Variants in CHD9 observed in about 807,000 individuals in gnomAD.
The protein encoded by CHD9 is ATP-dependent chromatin remodeler CHD9.
Under a neutral mutation model 316.1 loss-of-function variants are expected in CHD9, and 77 were observed. The observed-to-expected ratio is 0.24, with a 90% CI of 0.20 to 0.29. The LOEUF (loss-of-function observed/expected upper bound fraction) is 0.29. CHD9 is among the 10% of genes least tolerant of loss of function. The probability of loss-of-function intolerance (pLI) is 1.00; values close to 1 mark genes in which losing one functional copy is unlikely to be tolerated. For synonymous variants in CHD9, 1,129 were observed against 1,158.3 expected, an observed-to-expected ratio of 0.97 and a Z score of 0.51; for missense variants, 2,763 against 3,438.1, an observed-to-expected ratio of 0.80 and a Z score of 4.91.
intron 2 of CHD9, among the ~76,000 whole-genome samples, chr16:53,197,661 T>TTC (rs1201396422): frequency 2.2e-4 from 16 of 74,158 alleles, no homozygotes; most frequent in Admixed American, 6.8e-4. Flanking sequence ...ATATTCTAGC[T>TTC]TTTTTTTTTT....
intron 1 of CHD9, among the ~76,000 whole-genome samples, chr16:53,118,940 C>T (rs1269761994): frequency 6.6e-6 from 1 of 151,964 alleles, no homozygotes. Context: ...TTACAGGCAC[C>T]CGCCACCATG....
At chr16:53,063,800 G>A (rs926653344) in intron 1 of CHD9, among the ~76,000 whole-genome samples, 2 of 150,874 alleles carry the variant, frequency 1.3e-5, no homozygotes, top group Non-Finnish European at 2.9e-5. Context: ...CAAAATGCTG[G>A]GATTACAGGC....
At chr16:53,227,206 C>A in intron 5 of CHD9, 190 bp from the exon 6 acceptor site, 1 of 440,052 alleles carries the variant, frequency 2.3e-6, no homozygotes. Context: ...AGAGATAATG[C>A]AGGTGATGAA....
chr16:53,197,172 C>T (rs1049738352), intron 2 of CHD9, among the ~76,000 whole-genome samples: 1 of 152,144 alleles, frequency 6.6e-6, no homozygotes, highest in African/African-American at 2.4e-5. Flanking sequence ...TTGGCTAAGA[C>T]TCCTTCATTT....
chr16:53,169,781 TTATATAC>T (rs1332855017), intron 2 of CHD9, among the ~76,000 whole-genome samples: 1 of 152,178 alleles, frequency 6.6e-6, no homozygotes, highest in African/African-American at 2.4e-5. Context: ...TAAAATAACA[TTATATAC>T]TATATAGTCC....
At chr16:53,095,753 T>C (rs9937153) in intron 1 of CHD9, among the ~76,000 whole-genome samples, 66,197 of 151,900 alleles carry the variant, frequency 0.44, 15,290 homozygotes, top group African/African-American at 0.59. Flanking sequence ...TAGTGGACAT[T>C]TGGGTTGTTA....
intron 34 of CHD9, among the ~76,000 whole-genome samples, chr16:53,312,591 T>C (rs888381359): frequency 3.3e-5 from 5 of 152,170 alleles, no homozygotes; most frequent in Non-Finnish European, 5.9e-5. Flanking sequence ...GGGACAGATG[T>C]GTAGATCAAA....
intron 1 of CHD9, chr16:53,121,282 T>G (rs1451547999): frequency 4.5e-6 from 2 of 440,580 alleles, no homozygotes; most frequent in Admixed American, 5.2e-5. Context: ...CCTTTTGATC[T>G]CTCCAAACTT....
chr16:53,128,461 C>T (rs2039073550), intron 1 of CHD9, among the ~76,000 whole-genome samples: 1 of 152,094 alleles, frequency 6.6e-6, no homozygotes, highest in East Asian at 1.9e-4. Flanking sequence ...GGATTACAGG[C>T]TTGAGCCACC....
intron 2 of CHD9, among the ~76,000 whole-genome samples, chr16:53,185,672 A>G (rs1242668763): frequency 6.6e-6 from 1 of 152,226 alleles, no homozygotes; most frequent in Non-Finnish European, 1.5e-5. Flanking sequence ...CCAGAGAACT[A>G]GGAGGGAAAA....
At chr16:53,143,354 CTTATTTTATTTATTTAT>C (rs1245502255) in intron 1 of CHD9, among the ~76,000 whole-genome samples, 1 of 127,158 alleles carries the variant, frequency 7.9e-6, no homozygotes, top group Non-Finnish European at 1.7e-5. Context: ...TTTATTTTAT[CTTATTTTATTTATTTAT>C]TTATTTATTT....
At chr16:53,172,561 T>G (rs993486989) in intron 2 of CHD9, among the ~76,000 whole-genome samples, 5 of 152,132 alleles carry the variant, frequency 3.3e-5, no homozygotes, top group Non-Finnish European at 5.9e-5. Context: ...TTTTAATAGG[T>G]ATATATTTAA....
At chr16:53,204,868 G>C (rs2045773863) in intron 2 of CHD9, among the ~76,000 whole-genome samples, 1 of 152,096 alleles carries the variant, frequency 6.6e-6, no homozygotes, top group Non-Finnish European at 1.5e-5. Flanking sequence ...TTTTGAGACA[G>C]AGTTTCGCTC....
intron 19 of CHD9, among the ~76,000 whole-genome samples, chr16:53,262,063 G>A (rs569186019): frequency 6.6e-6 from 1 of 152,016 alleles, no homozygotes; most frequent in South Asian, 2.1e-4. Flanking sequence ...CCTTTTGTTT[G>A]TATCCCTGAT....
chr16:53,194,227 TAA>T (rs78058461), intron 2 of CHD9, among the ~76,000 whole-genome samples: 23 of 136,816 alleles, frequency 1.7e-4, no homozygotes, highest in Admixed American at 1.5e-4. Flanking sequence ...CCCTGCCTCT[TAA>T]AAAAAAAAAA....
intron 35 of CHD9, 90 bp from the exon 36 acceptor site, chr16:53,314,733 T>C: frequency 8.4e-7 from 1 of 1,186,280 alleles, no homozygotes; most frequent in Non-Finnish European, 1.2e-6. Flanking sequence ...CAACAACTTA[T>C]TTTTTCTCTT....
intron 2 of CHD9, among the ~76,000 whole-genome samples, chr16:53,172,418 T>A (rs547456783): frequency 6.6e-6 from 1 of 152,344 alleles, no homozygotes; most frequent in Admixed American, 6.5e-5. Flanking sequence ...TATAATTTGT[T>A]CGTTCACCTG....
intron 25 of CHD9, 24 bp from the exon 26 acceptor site, chr16:53,286,202 T>G (rs1344027655): frequency 7.3e-7 from 1 of 1,366,678 alleles, no homozygotes; most frequent in Non-Finnish European, 1.0e-6. Context: ...TCTTTTTTAC[T>G]TTTGTAATTG....
chr16:53,226,554 G>A (rs2047672348), intron 5 of CHD9, 42 bp downstream of exon 5: 5 of 1,565,442 alleles, frequency 3.2e-6, no homozygotes, highest in Admixed American at 4.3e-5. Flanking sequence ...ATTTTAAACC[G>A]ACATAAATTC....
Sources: gnomAD v4.1 joint callset for allele counts (sites outside exome capture counted in the v4.1 genomes callset) on GRCh38, gnomAD v4.1.1 for gene constraint, MANE v1.5 for transcripts, NCBI Gene and HGNC (gene_info 2026-07-23, HGNC 2026-07-21) for gene names.